Variants in GADL1 observed in about 807,000 individuals in gnomAD.
GADL1 encodes the protein acidic amino acid decarboxylase GADL1.
Under a neutral mutation model 69.5 loss-of-function variants are expected in GADL1, and 71 were observed. The ratio of observed to expected loss-of-function variants is 1.02; its 90% CI spans 0.84 to 1.25. The LOEUF (loss-of-function observed/expected upper bound fraction) is 1.25, where lower values mean the gene tolerates loss of function less well. Among genes scored for constraint, GADL1 ranks in the 50% most tolerant of loss-of-function variants. The pLI is 0.00. For synonymous variants in GADL1, 254 were observed against 214.4 expected, an observed-to-expected ratio of 1.18 and a Z score of -1.62; for missense variants, 737 against 631.8, an observed-to-expected ratio of 1.17 and a Z score of -1.79.
In GADL1 at chr3:30,847,066, T is replaced by C. The variant is rs575667171; in HGVS notation, c.652-2600A>G. ...CTAATTCCAGAAGTGATCTGAAATATACAGGAACTTTACAAACACGGGATT... is the reference window on the plus strand; with the variant it reads ...CTAATTCCAGAAGTGATCTGAAATACACAGGAACTTTACAAACACGGGATT... On this transcript the variant is annotated intron_variant, in intron 6 of 14. Transcript: ENST00000282538. 4.6e-5 allele frequency among the ~76,000 whole-genome samples: 7 copies of C among 152,318 alleles called. No homozygotes were observed. The South Asian group carries it at 1.4e-3, about 32-fold the overall frequency.
In GADL1 at chr3:30,728,213, T is replaced by G; in HGVS notation, c.*29A>C. 1 of 1,595,600 alleles carries G rather than the reference T, an allele frequency of 6.3e-7. No homozygotes were observed. The highest frequency in any genetic ancestry group is 2.2e-5 in the East Asian group (1 of 44,704). On this transcript the variant is annotated 3_prime_UTR_variant, in exon 15 of 15. Transcript: ENST00000282538. ...GGATCTAAACTCTCCCAGGATAGGATCTATGCCTCTGGGGGACCAAAGCCA... is the reference window on the plus strand; with the variant it reads ...GGATCTAAACTCTCCCAGGATAGGAGCTATGCCTCTGGGGGACCAAAGCCA...
intron 14 of GADL1, among the ~76,000 whole-genome samples, chr3:30,751,317 A>C (rs541477837): frequency 3.2e-4 from 49 of 152,098 alleles, no homozygotes; most frequent in African/African-American, 1.0e-3. Flanking sequence ...CCCTGGGACC[A>C]TTGTGGTAAG....
intron 11 of GADL1, among the ~76,000 whole-genome samples, chr3:30,831,093 A>G (rs1438728591): frequency 1.3e-5 from 2 of 151,896 alleles, no homozygotes; most frequent in Non-Finnish European, 2.9e-5. Context: ...TCTTCCATCT[A>G]TTCTTGTTCC....
At chr3:30,823,622 GA>G (rs1296736988) in intron 11 of GADL1, among the ~76,000 whole-genome samples, 1 of 151,800 alleles carries the variant, frequency 6.6e-6, no homozygotes, top group African/African-American at 2.4e-5. Context: ...AACCACCAAA[GA>G]TTATAAGGTA....
At chr3:30,857,397 T>A (rs1698245712) in intron 2 of GADL1, among the ~76,000 whole-genome samples, 1 of 151,770 alleles carries the variant, frequency 6.6e-6, no homozygotes, top group Non-Finnish European at 1.5e-5. Flanking sequence ...AGAATAAGAG[T>A]AGAGCGAATC....
At chr3:30,741,190 A>ATGTGTG (rs60283911) in intron 14 of GADL1, among the ~76,000 whole-genome samples, 41 of 132,634 alleles carry the variant, frequency 3.1e-4, no homozygotes, top group African/African-American at 8.9e-4. Flanking sequence ...TTATATAATT[A>ATGTGTG]TGTGTGTGTG....
intron 14 of GADL1, among the ~76,000 whole-genome samples, chr3:30,765,816 C>T (rs186269750): frequency 2.0e-5 from 3 of 152,316 alleles, no homozygotes; most frequent in Non-Finnish European, 4.4e-5. Flanking sequence ...TGCATCATCC[C>T]TATGCTTAAA....
intron 14 of GADL1, among the ~76,000 whole-genome samples, chr3:30,751,720 A>G (rs1695823857): frequency 6.6e-6 from 1 of 152,136 alleles, no homozygotes; most frequent in Admixed American, 6.5e-5. Flanking sequence ...ACGGAGATCT[A>G]TGCACTGAGA....
rs1411153220 is a variant in GADL1 at position 30,819,210 on chromosome 3, TATA to T, written c.1050+14640_1050+14642del. ...TTTCTTGGTGCCCCGGGTTTACACT[TATA>T]CTTAAGAATTGCTTTCTCTTCAGAG... On this transcript the variant is annotated intron_variant, in intron 11 of 14. Coordinates refer to ENST00000282538, the MANE Select transcript of GADL1 (RefSeq NM_207359.3). Among the ~76,000 whole-genome samples, 22 of 71,214 alleles carry T rather than the reference TATA, an allele frequency of 3.1e-4. No homozygotes were observed. In the Admixed American group the frequency reaches 3.3e-3, roughly 11 times the overall value. The allele number at this position is 71,214 out of a possible 152,430, so 46.7% of individuals were successfully genotyped here.
intron 14 of GADL1, among the ~76,000 whole-genome samples, chr3:30,755,443 C>G (rs1237798122): frequency 6.6e-6 from 1 of 152,052 alleles, no homozygotes; most frequent in African/African-American, 2.4e-5. Flanking sequence ...GGAATAAATA[C>G]AAAGATTATT....
At chr3:30,825,416 A>G (rs1231554963) in intron 11 of GADL1, among the ~76,000 whole-genome samples, 1 of 151,972 alleles carries the variant, frequency 6.6e-6, no homozygotes, top group African/African-American at 2.4e-5. Context: ...ACTTGGATTA[A>G]CACTTTGAAT....
chr3:30,802,615 TATCAC>T (rs1182267144), intron 11 of GADL1, among the ~76,000 whole-genome samples: 2 of 152,208 alleles, frequency 1.3e-5, no homozygotes, highest in African/African-American at 4.8e-5. Flanking sequence ...AATCTCAAGA[TATCAC>T]ATTTCAAATG....
intron 1 of GADL1, among the ~76,000 whole-genome samples, chr3:30,865,954 A>T (rs543128048): frequency 3.9e-4 from 59 of 152,030 alleles, no homozygotes; most frequent in African/African-American, 1.4e-3. Flanking sequence ...TATAGGATCA[A>T]CTTTTGCTTT....
chr3:30,844,148 AGC>A, intron 8 of GADL1, 60 bp downstream of exon 8: 1 of 1,267,484 alleles, frequency 7.9e-7, no homozygotes, highest in Admixed American at 2.1e-5. Context: ...CTCTTTCATA[AGC>A]GCGCGGGCGT....
chr3:30,777,541 A>AT (rs1490195138), intron 14 of GADL1, among the ~76,000 whole-genome samples: 1 of 152,188 alleles, frequency 6.6e-6, no homozygotes, highest in Non-Finnish European at 1.5e-5. Context: ...GGAAATCTGG[A>AT]TTAGAGGCAG....
chr3:30,786,993 C>T (rs1696806950), intron 12 of GADL1, among the ~76,000 whole-genome samples: 1 of 152,030 alleles, frequency 6.6e-6, no homozygotes, highest in Non-Finnish European at 1.5e-5. Flanking sequence ...GGGAGCTGAA[C>T]AGTGAGAACA....
chr3:30,865,793 A>G (rs1232168248), intron 1 of GADL1, among the ~76,000 whole-genome samples: 1 of 151,776 alleles, frequency 6.6e-6, no homozygotes, highest in Admixed American at 6.6e-5. Context: ...CCCTTATTTT[A>G]TGGTAGTCAT....
intron 14 of GADL1, 27 bp downstream of exon 14, chr3:30,778,152 G>A: frequency 1.5e-6 from 2 of 1,329,384 alleles, no homozygotes; most frequent in South Asian, 2.4e-5. Context: ...TCATCAAAAA[G>A]AAAAATACCA....
chr3:30,813,094 A>G (rs969279564), intron 11 of GADL1, among the ~76,000 whole-genome samples: 5 of 152,166 alleles, frequency 3.3e-5, no homozygotes, highest in African/African-American at 9.6e-5. Flanking sequence ...TTTTTGGCAT[A>G]TCTGGGAACT....
Sources: gnomAD v4.1 joint callset for allele counts (sites outside exome capture counted in the v4.1 genomes callset) on GRCh38, gnomAD v4.1.1 for gene constraint, MANE v1.5 for transcripts, NCBI Gene and HGNC (gene_info 2026-07-23, HGNC 2026-07-21) for gene names.